The following RTN3 variants were observed in gnomAD, a reference collection of about 807,000 sequenced individuals.
RTN3 encodes the protein reticulon 3, also known as reticulon-3.
A neutral mutation model predicts 77.8 loss-of-function variants in RTN3; 49 were observed. That is an observed-to-expected ratio of 0.63 (90% confidence interval 0.50 to 0.80). The LOEUF is 0.80. RTN3 is among the 30% of genes least tolerant of loss of function. RTN3 has a pLI of 0.00. For missense variants in RTN3, 1,236 were observed against 1,211.9 expected, an observed-to-expected ratio of 1.02 and a Z score of -0.29; for synonymous variants, 464 against 446.9, an observed-to-expected ratio of 1.04 and a Z score of -0.48.
At chr11:63,758,023 C>A in intron 8 of RTN3, 133 bp from the exon 9 acceptor site, 1 of 659,932 alleles carries the variant, frequency 1.5e-6, no homozygotes, top group South Asian at 2.1e-5. Flanking sequence ...GCCACCATAC[C>A]CAGCCGGGAG....
At chr11:63,704,818 T>G (rs1942418609) in intron 1 of RTN3, 33 bp from the exon 2 acceptor site, 1 of 1,485,690 alleles carries the variant, frequency 6.7e-7, no homozygotes, top group Non-Finnish European at 9.4e-7. Flanking sequence ...TGTGTGAGGT[T>G]GTCATATTCT....
At chr11:63,729,460 G>GTTTTTTTTTT (rs1223266871) in intron 3 of RTN3, among the ~76,000 whole-genome samples, 1 of 49,252 alleles carries the variant, frequency 2.0e-5, no homozygotes, top group African/African-American at 7.6e-5. Context: ...TTTTTTTTTT[G>GTTTTTTTTTT]TTTGTTTGAG....
intron 1 of RTN3, among the ~76,000 whole-genome samples, chr11:63,702,926 C>G (rs1276690161): frequency 6.6e-6 from 1 of 151,758 alleles, no homozygotes; most frequent in Non-Finnish European, 1.5e-5. Flanking sequence ...ACCTCGTGAT[C>G]TGCCTGCCTC....
intron 1 of RTN3, among the ~76,000 whole-genome samples, chr11:63,684,129 G>GTTTTTTTTTTTTTTTTTTTTTTT (rs61663789): frequency 2.3e-5 from 2 of 85,258 alleles, no homozygotes; most frequent in African/African-American, 1.0e-4. Context: ...TTTTCTTTTG[G>GTTTTTTTTTTTTTTTTTTTTTTT]TTTTTTTTTT....
intron 6 of RTN3, 27 bp downstream of exon 6, chr11:63,753,165 T>C: frequency 4.4e-6 from 7 of 1,599,498 alleles, no homozygotes; most frequent in Non-Finnish European, 6.0e-6. Flanking sequence ...AATGTGCCCA[T>C]GCTCTTTGAA....
upstream of RTN3, chr11:63,681,451 C>G (rs1034125960): frequency 1.9e-6 from 1 of 527,686 alleles, no homozygotes; most frequent in Non-Finnish European, 3.0e-6. Context: ...CCTTTGTGCG[C>G]ATGCGCGCTC....
intron 3 of RTN3, among the ~76,000 whole-genome samples, chr11:63,728,772 A>G (rs1160942248): frequency 6.6e-6 from 1 of 152,034 alleles, no homozygotes; most frequent in Non-Finnish European, 1.5e-5. Flanking sequence ...CTGTAATCCC[A>G]GCTACCCAGG....
At chr11:63,737,625 A>AG (rs1273984662) in intron 3 of RTN3, among the ~76,000 whole-genome samples, 69 of 152,346 alleles carry the variant, frequency 4.5e-4, no homozygotes, top group Admixed American at 4.5e-3. Context: ...AAGAAAAAAA[A>AG]GGAAAATACT....
At chr11:63,700,282 C>CTTTTTTTTTTTTT (rs753369954) in intron 1 of RTN3, among the ~76,000 whole-genome samples, 3 of 133,424 alleles carry the variant, frequency 2.2e-5, no homozygotes, top group Non-Finnish European at 4.6e-5. Context: ...GATTCTTTTA[C>CTTTTTTTTTTTTT]TTTTTTTTTT....
intron 3 of RTN3, among the ~76,000 whole-genome samples, chr11:63,726,594 G>A (rs1256442756): frequency 2.0e-5 from 3 of 152,236 alleles, no homozygotes; most frequent in African/African-American, 7.2e-5. Flanking sequence ...CGGGTGCAAT[G>A]GCCCACGCCT....
At chr11:63,743,407 C>T (rs1470504105) in intron 3 of RTN3, among the ~76,000 whole-genome samples, 1 of 152,082 alleles carries the variant, frequency 6.6e-6, no homozygotes, top group African/African-American at 2.4e-5. Context: ...TTCTCAAATG[C>T]TTTTTTCTGT....
intron 1 of RTN3, 97 bp downstream of exon 1, chr11:63,681,875 C>T (rs1565293201): frequency 7.9e-7 from 1 of 1,268,878 alleles, no homozygotes; most frequent in Non-Finnish European, 1.1e-6. Flanking sequence ...GGACGAATTA[C>T]CCTCGACTAC....
At position 63,719,235 on chromosome 11, in the gene RTN3, G is replaced by T; in HGVS notation, c.733G>T (p.Glu245Ter). Residue 245 changes from glutamate to a stop codon, truncating the protein, a stop_gained, in exon 3 of 9, where the codon GAA becomes TAA. Coordinates refer to ENST00000377819, the MANE Select transcript of RTN3 (RefSeq NM_001265589.2). LOFTEE classifies it high-confidence loss of function. Reference protein sequence around the residue: ...GDDVIEKDSPESPFEVIIDKA... With the variant: ...GDDVIEKDSP ...TGATGTTATTGAAAAGGATTCCCCT[G>T]AATCACCATTTGAAGTAATTATTGA... The T allele has an allele frequency of 6.2e-7, 1 of 1,614,136 alleles. No individual in the cohort carries two copies.
In RTN3 at chr11:63,683,972, T is replaced by TTA. The variant is rs1375625604; in HGVS notation, c.142+2194_142+2195insTA. 2.7e-4 allele frequency among the ~76,000 whole-genome samples: 37 copies of TTA among 136,112 alleles called. 2 individuals are homozygous for TTA. The highest frequency in any genetic ancestry group is 1.3e-3 in the South Asian group (5 of 3,980). The allele number at this position is 136,112 out of a possible 152,430, so 89.3% of individuals were successfully genotyped here. ...TTTTTTTTTTTTTTTTTTTTTTTTT[T>TTA]AGACAAGGTCTTGCTCTGTCACAGA... is the stretch of plus-strand genomic sequence containing the variant. On this transcript the variant is annotated intron_variant, in intron 1 of 8. Transcript: ENST00000377819.
intron 1 of RTN3, among the ~76,000 whole-genome samples, chr11:63,693,496 G>A (rs1020574803): frequency 3.9e-4 from 59 of 151,786 alleles, no homozygotes; most frequent in African/African-American, 1.4e-3. Flanking sequence ...AAAAAAAAAA[G>A]TATTGCATAG....
intron 1 of RTN3, among the ~76,000 whole-genome samples, chr11:63,683,637 C>T (rs1941182951): frequency 6.6e-6 from 1 of 152,178 alleles, no homozygotes; most frequent in African/African-American, 2.4e-5. Context: ...TTCACAGACA[C>T]ACAGGCATAC....
intron 1 of RTN3, among the ~76,000 whole-genome samples, chr11:63,703,643 C>T (rs1196063699): frequency 1.3e-5 from 2 of 150,830 alleles, no homozygotes; most frequent in Admixed American, 6.6e-5. Context: ...CCCAGGTTCA[C>T]GCCATTCTCC....
chr11:63,747,340 C>T (rs1004021831), intron 3 of RTN3, among the ~76,000 whole-genome samples: 1 of 152,162 alleles, frequency 6.6e-6, no homozygotes, highest in South Asian at 2.1e-4. Context: ...AGGAATTCTC[C>T]TACTTACAGG....
At chr11:63,726,339 C>T (rs2012260034) in intron 3 of RTN3, among the ~76,000 whole-genome samples, 2 of 152,256 alleles carry the variant, frequency 1.3e-5, no homozygotes, top group South Asian at 2.1e-4. Flanking sequence ...GAAGTGGGCA[C>T]CTGACAGGCT....
Sources: gnomAD v4.1 joint callset for allele counts (sites outside exome capture counted in the v4.1 genomes callset) on GRCh38, gnomAD v4.1.1 for gene constraint, MANE v1.5 for transcripts, NCBI Gene and HGNC (gene_info 2026-07-23, HGNC 2026-07-21) for gene names.